FAT4: variants seen among roughly 807,000 people sequenced by gnomAD.
FAT4 encodes the protein protocadherin Fat 4.
FAT4 carries 84 observed loss-of-function variants against 303.9 expected under a neutral mutation model. That is an observed-to-expected ratio of 0.28 (90% CI 0.23 to 0.33). FAT4 has a LOEUF of 0.33. FAT4 is among the 10% of genes least tolerant of loss of function. The pLI, the probability that FAT4 is intolerant of heterozygous loss-of-function variation, is 1.00. For missense variants in FAT4, 6,005 were observed against 6,146.8 expected (o/e 0.98, Z 0.77); for synonymous variants, 2,307 against 2,298.8 (o/e 1.00, Z -0.10).
At chr4:125,433,410 G>A (rs1420961939) in intron 7 of FAT4, among the ~76,000 whole-genome samples, 2 of 152,132 alleles carry the variant, frequency 1.3e-5, no homozygotes, top group Non-Finnish European at 2.9e-5. Context: ...AAGAGTTTGA[G>A]TTTGAAAAAC....
chr4:125,336,474 C>A lies in FAT4; in HGVS notation c.5175+14888C>A, dbSNP rs967882078. Among the ~76,000 whole-genome samples the A allele has an allele frequency of 2.0e-5, 3 of 151,896 alleles. No homozygotes were observed. In the East Asian group the frequency reaches 5.8e-4, roughly 29 times the overall value. ...CCTAGGGAAACGAATAAAAATATAA[C>A]CTTTGTTAAAAGATAGGGTAAGTGA... On this transcript the variant is annotated intron_variant, in intron 2 of 17. Transcript: ENST00000394329.
chr4:125,405,625 A>G (rs886152784), intron 3 of FAT4, among the ~76,000 whole-genome samples: 33 of 151,758 alleles, frequency 2.2e-4, no homozygotes, highest in African/African-American at 8.0e-4. Context: ...ATTCTCCTGC[A>G]TCAGCCTCCC....
intron 2 of FAT4, among the ~76,000 whole-genome samples, chr4:125,371,032 C>G (rs1733088615): frequency 6.6e-6 from 1 of 151,480 alleles, no homozygotes; most frequent in African/African-American, 2.4e-5. Context: ...CCTGTAATCC[C>G]AGCTACTTGG....
intron 10 of FAT4, among the ~76,000 whole-genome samples, chr4:125,460,245 A>G (rs544654668): frequency 7.3e-4 from 111 of 152,088 alleles, no homozygotes; most frequent in African/African-American, 2.6e-3. Flanking sequence ...TCAACAACAA[A>G]TTCCTTTATT....
At chr4:125,386,139 A>G (rs1252000262) in intron 2 of FAT4, among the ~76,000 whole-genome samples, 2 of 152,190 alleles carry the variant, frequency 1.3e-5, no homozygotes, top group Non-Finnish European at 2.9e-5. Context: ...GTACTAGTGC[A>G]ATGAACAAAC....
intron 2 of FAT4, among the ~76,000 whole-genome samples, chr4:125,360,645 T>A (rs1337781840): frequency 6.6e-6 from 1 of 152,132 alleles, no homozygotes; most frequent in African/African-American, 2.4e-5. Context: ...AAAGCCATAA[T>A]TACAATAAAC....
At chr4:125,374,663 G>A (rs1436861508) in intron 2 of FAT4, among the ~76,000 whole-genome samples, 1 of 152,088 alleles carries the variant, frequency 6.6e-6, no homozygotes, top group Non-Finnish European at 1.5e-5. Flanking sequence ...GTCCCTTATT[G>A]AATCATTTTG....
intron 2 of FAT4, among the ~76,000 whole-genome samples, chr4:125,379,209 C>T (rs1044742291): frequency 5.4e-5 from 8 of 148,350 alleles, no homozygotes; most frequent in Non-Finnish European, 3.0e-5. Flanking sequence ...CATGTTAAAG[C>T]AAATTAAAAA....
chr4:125,381,115 C>T (rs1157487902), intron 2 of FAT4, among the ~76,000 whole-genome samples: 1 of 152,124 alleles, frequency 6.6e-6, no homozygotes, highest in African/African-American at 2.4e-5. Context: ...TTAGTATTAA[C>T]TGCAGTCATA....
intron 2 of FAT4, among the ~76,000 whole-genome samples, chr4:125,397,653 A>G (rs1162707113): frequency 6.6e-6 from 1 of 152,124 alleles, no homozygotes; most frequent in Non-Finnish European, 1.5e-5. Flanking sequence ...CTATTTTTAT[A>G]AATTGCTCAT....
chr4:125,446,972 GA>G (rs1477265163), intron 9 of FAT4, among the ~76,000 whole-genome samples: 2 of 151,920 alleles, frequency 1.3e-5, no homozygotes, highest in Non-Finnish European at 2.9e-5. Context: ...TTTGTCAGTG[GA>G]AAATGAATAT....
At chr4:125,482,126 A>C (rs192639813) in intron 16 of FAT4, among the ~76,000 whole-genome samples, 1 of 152,332 alleles carries the variant, frequency 6.6e-6, no homozygotes, top group East Asian at 1.9e-4. Context: ...ATTATTTCAA[A>C]TATTGATATG....
intron 10 of FAT4, among the ~76,000 whole-genome samples, chr4:125,462,504 C>T (rs945110499): frequency 2.9e-4 from 44 of 151,768 alleles, no homozygotes; most frequent in African/African-American, 9.9e-4. Flanking sequence ...TAGATCCTAA[C>T]GAATGTATCA....
chr4:125,331,938 G>A (rs930574369), intron 2 of FAT4, among the ~76,000 whole-genome samples: 1 of 152,064 alleles, frequency 6.6e-6, no homozygotes, highest in African/African-American at 2.4e-5. Flanking sequence ...AGAGAAGCTT[G>A]ATTCAGATGT....
rs1178346374 is a variant in FAT4, at chr4:125,481,543, A to G, written c.12627A>G (p.Leu4209=). 1 of 1,613,830 alleles carries G rather than the reference A, an allele frequency of 6.2e-7. No homozygotes were observed. Among genetic ancestry groups the G allele is most frequent in the Non-Finnish European group, 8.5e-7 (1 of 1,179,822 alleles). ...CEKSVTPDTA[L]SLEGKGRLDY... is the part of the protein sequence containing the mutation. ...CAGCTGTTACTCCTGACACTGCCTTATCATTAGAAGGCAAAGGGCGCTTGG... is the reference window on the plus strand; with the variant it reads ...CAGCTGTTACTCCTGACACTGCCTTGTCATTAGAAGGCAAAGGGCGCTTGG... Residue 4209 remains leucine (L), a synonymous_variant, in exon 16 of 18, where the codon TTA becomes TTG. Coordinates refer to ENST00000394329, the MANE Select transcript of FAT4 (RefSeq NM_001291303.3).
At chr4:125,439,215 T>C (rs2126048050) in intron 8 of FAT4, among the ~76,000 whole-genome samples, 1 of 152,272 alleles carries the variant, frequency 6.6e-6, no homozygotes, top group Middle Eastern at 3.4e-3. Flanking sequence ...ATGTATCCCC[T>C]TTTCTCCCAA....
chr4:125,431,161 A>G (rs1245649076), intron 7 of FAT4, among the ~76,000 whole-genome samples: 2 of 152,234 alleles, frequency 1.3e-5, no homozygotes, highest in East Asian at 3.8e-4. Flanking sequence ...GTGTATCACC[A>G]GACACTTTAG....
chr4:125,444,131 A>T (rs1725749747), intron 8 of FAT4, among the ~76,000 whole-genome samples: 1 of 152,200 alleles, frequency 6.6e-6, no homozygotes, highest in African/African-American at 2.4e-5. Context: ...AAATTAAAAA[A>T]TCAGAATTTA....
At chr4:125,453,981 T>G (rs1215054884) in intron 10 of FAT4, among the ~76,000 whole-genome samples, 1 of 152,202 alleles carries the variant, frequency 6.6e-6, no homozygotes, top group Non-Finnish European at 1.5e-5. Flanking sequence ...TGATGTTCCT[T>G]CAAATGTGAA....
Sources: allele counts gnomAD v4.1 joint callset (sites outside exome capture counted in the v4.1 genomes callset), GRCh38; gene constraint gnomAD v4.1.1; transcripts MANE v1.5; gene names NCBI Gene and HGNC (gene_info 2026-07-23, HGNC 2026-07-21).